Variants in SLC38A1 observed in about 807,000 individuals in gnomAD.
SLC38A1 encodes sodium-coupled neutral amino acid symporter 1.
Under a neutral mutation model 60.3 loss-of-function variants are expected in SLC38A1, and 18 were observed. The ratio of observed to expected loss-of-function variants is 0.30; its 90% confidence interval spans 0.21 to 0.44. The LOEUF (loss-of-function observed/expected upper bound fraction) is 0.44, where lower values mean the gene tolerates loss of function less well. SLC38A1 is among the 20% of genes least tolerant of loss of function. The pLI, the probability that SLC38A1 is intolerant of heterozygous loss-of-function variation, is 1.00. For synonymous variants in SLC38A1, 196 were observed against 212.1 expected (o/e 0.92, Z 0.66); for missense variants, 448 against 587.2 (o/e 0.76, Z 2.45).
chr12:46,206,197 T>A (rs1353877692), intron 8 of SLC38A1, 35 bp from the exon 9 acceptor site: 12 of 1,387,968 alleles, frequency 8.6e-6, no homozygotes, highest in Non-Finnish European at 1.2e-5. Context: ...TTATATTTTT[T>A]TAGAAAGTGA....
At chr12:46,257,721 A>G (rs1348933604) in intron 1 of SLC38A1, among the ~76,000 whole-genome samples, 1 of 152,144 alleles carries the variant, frequency 6.6e-6, no homozygotes, top group African/African-American at 2.4e-5. Flanking sequence ...TAGCCTTTGG[A>G]TCAGGGGTTT....
At position 46,188,150 on chromosome 12, in the gene SLC38A1, G is replaced by A. The variant is rs1309167025; in HGVS notation, c.*820C>T. 1 of 152,168 alleles carries A rather than the reference G, an allele frequency of 6.6e-6. No homozygotes were observed. The highest frequency in any genetic ancestry group is 1.9e-4 in the East Asian group (1 of 5,198). The allele number at this position is 152,168 out of a possible 1,614,324, so 9.4% of individuals were successfully genotyped here. ...CAATCTTTTTGCAGTAGGTTCCATAGGTTTTCCCCAGCGAAAGTTGACTCA... is the reference window on the plus strand; with the variant it reads ...CAATCTTTTTGCAGTAGGTTCCATAAGTTTTCCCCAGCGAAAGTTGACTCA... On this transcript the variant is annotated 3_prime_UTR_variant, in exon 17 of 17. Transcript: ENST00000398637.
In SLC38A1 at chr12:46,229,141, G is replaced by A. The variant is rs772490384; in HGVS notation, c.314+12C>T. The A allele has an allele frequency of 9.8e-6, 15 of 1,530,994 alleles. 1 individual carries two copies. The highest frequency in any genetic ancestry group is 1.7e-4 in the Middle Eastern group (1 of 5,964). 94.8% of individuals were successfully genotyped at this position (1,530,994 alleles called of 1,614,324 possible). A position where few individuals can be genotyped will look rare whatever the true frequency, so the allele number is the denominator to read the frequency against. On this transcript the variant is annotated intron_variant, in intron 5 of 16. Coordinates refer to ENST00000398637, the MANE Select transcript of SLC38A1 (RefSeq NM_030674.4). The stretch of plus-strand genomic sequence containing the variant: ...GTTTTAAAATGGAAAGTACCGGCAC[G>A]TCAATACTCACAGAAAAAGTAGGAT...
chr12:46,234,065 T>A (rs1941169846), intron 3 of SLC38A1, among the ~76,000 whole-genome samples: 1 of 152,334 alleles, frequency 6.6e-6, no homozygotes, highest in South Asian at 2.1e-4. Flanking sequence ...TCTCAGCCAA[T>A]CTTTCCCTAT....
chr12:46,235,310 G>T lies in SLC38A1; in HGVS notation c.122+4369C>A, dbSNP rs190862456. On this transcript the variant is annotated intron_variant, in intron 3 of 16. Coordinates refer to ENST00000398637, the MANE Select transcript of SLC38A1 (RefSeq NM_030674.4). Reference sequence around the variant, plus strand: ...TACTAGATTATACTGTTTCCTCTGAGAATTCATAACATAAAAGAGATGAGT... The same window carrying T: ...TACTAGATTATACTGTTTCCTCTGATAATTCATAACATAAAAGAGATGAGT... Among the ~76,000 whole-genome samples the T allele has an allele frequency of 2.6e-5, 4 of 152,264 alleles. No individual in the cohort carries two copies. In the East Asian group the frequency reaches 7.7e-4, roughly 29 times the overall value.
intron 1 of SLC38A1, among the ~76,000 whole-genome samples, chr12:46,248,644 T>A (rs934429843): frequency 6.6e-6 from 1 of 152,174 alleles, no homozygotes; most frequent in African/African-American, 2.4e-5. Flanking sequence ...TATCCAAGAC[T>A]TGAACTCATC....
chr12:46,198,620 C>G lies in SLC38A1; in HGVS notation c.1122+5G>C. 3 of 1,594,456 alleles carry G rather than the reference C, an allele frequency of 1.9e-6. No individual in the cohort carries two copies. The highest frequency in any genetic ancestry group is 2.6e-6 in the Non-Finnish European group (3 of 1,167,026). ...TTCTCATATTGCACAGAGGCCCTTA[C>G]TCACCGTGAAAAATAACACCGGCAC... On this transcript the variant is annotated splice_donor_5th_base_variant and intron_variant, in intron 14 of 16. Transcript: ENST00000398637.
Position 46,188,710 on chromosome 12 carries a change from T to A in SLC38A1, c.*260A>T. The A allele has an allele frequency of 3.0e-6, 1 of 329,342 alleles. No individual in the cohort carries two copies. Among genetic ancestry groups the A allele is most frequent in the Non-Finnish European group, 5.6e-6 (1 of 177,936 alleles). The allele number at this position is 329,342 out of a possible 1,614,324, so 20.4% of individuals were successfully genotyped here. ...TAGAGTTAGATGGGTAAAAAATGAT[T>A]GTGAAAAGTACTGGGAAATATGATT... is the stretch of plus-strand genomic sequence containing the variant. On this transcript the variant is annotated 3_prime_UTR_variant, in exon 17 of 17. Transcript: ENST00000398637.
At chr12:46,240,655 C>G (rs969069378) in intron 2 of SLC38A1, among the ~76,000 whole-genome samples, 4 of 152,258 alleles carry the variant, frequency 2.6e-5, no homozygotes, top group African/African-American at 9.6e-5. Context: ...AGCACGCAAC[C>G]CTGGTAGTCA....
Position 46,197,913 on chromosome 12 carries a change from C to T in SLC38A1, c.1264+6G>A, listed in dbSNP as rs770961147. 8.7e-6 allele frequency: 14 copies of T among 1,613,714 alleles called. No individual in the cohort carries two copies. Among genetic ancestry groups the T allele is most frequent in the Non-Finnish European group, 1.2e-5 (14 of 1,179,924 alleles). ...GAATGACAAGCACAAAGTCATGAAG[C>T]CATACCTACGACTCCAAAAATATCC... On this transcript the variant is annotated splice_donor_region_variant and intron_variant, in intron 15 of 16. Coordinates refer to ENST00000398637, the MANE Select transcript of SLC38A1 (RefSeq NM_030674.4).
chr12:46,266,333 T>C (rs1199939782), intron 1 of SLC38A1, among the ~76,000 whole-genome samples: 2 of 152,130 alleles, frequency 1.3e-5, no homozygotes, highest in Admixed American at 1.3e-4. Flanking sequence ...TGAAGCATCA[T>C]AAAAAATATA....
At chr12:46,211,445 C>G (rs774111747) in intron 5 of SLC38A1, among the ~76,000 whole-genome samples, 4 of 152,158 alleles carry the variant, frequency 2.6e-5, no homozygotes, top group African/African-American at 4.8e-5. Context: ...AGGCCCTAAC[C>G]CTGGAGAACT....
rs1939637836 is a variant in SLC38A1 at position 46,201,098 on chromosome 12, C to G, written c.1003G>C (p.Asp335His). 6.3e-7 allele frequency: 1 copy of G among 1,598,474 alleles called. No homozygotes were observed. Among genetic ancestry groups the G allele is most frequent in the Non-Finnish European group, 8.6e-7 (1 of 1,167,622 alleles). ...TAIFGYLTFY[D>H]NVQSDLLHKY... Reference sequence around the variant, plus strand: ...TTATGTACCAGTAGAAATTACTTACCATAGAATGTCAAGTAGCCAAAAATG... The same window carrying G: ...TTATGTACCAGTAGAAATTACTTACGATAGAATGTCAAGTAGCCAAAAATG... Residue 335 changes from aspartate (D) to histidine (H), a missense_variant and splice_region_variant, in exon 13 of 17, where the codon GAC (aspartate) becomes CAC (histidine). By Grantham distance (81) the Asp-to-His change is moderately conservative (BLOSUM62 -1). Around this residue, in one of 2 missense-constraint regions of SLC38A1, gnomAD observed 346 missense variants for 497.5 expected, o/e 0.70. Coordinates refer to ENST00000398637, the MANE Select transcript of SLC38A1 (RefSeq NM_030674.4).
intron 1 of SLC38A1, among the ~76,000 whole-genome samples, chr12:46,256,791 T>C (rs997395299): frequency 1.3e-5 from 2 of 152,190 alleles, no homozygotes; most frequent in African/African-American, 4.8e-5. Context: ...AGGAAAATTA[T>C]CTTTTTCCAT....
chr12:46,212,073 T>C lies in SLC38A1; in HGVS notation c.315-2946A>G, dbSNP rs540279875. On this transcript the variant is annotated intron_variant, in intron 5 of 16. Coordinates refer to ENST00000398637, the MANE Select transcript of SLC38A1 (RefSeq NM_030674.4). ...GAATATGTTGTCTAATTGACTCTAA[T>C]AGAACCTAGAAAGGGTTAGAAAAAT... 3.5e-4 allele frequency among the ~76,000 whole-genome samples: 53 copies of C among 152,322 alleles called. No homozygotes were observed. The South Asian group carries it at 6.6e-3, about 19-fold the overall frequency.
chr12:46,264,216 T>A (rs1417125696), intron 1 of SLC38A1, among the ~76,000 whole-genome samples: 2 of 152,234 alleles, frequency 1.3e-5, no homozygotes, highest in African/African-American at 2.4e-5. Flanking sequence ...ATAGTTTTTT[T>A]AAACTTGTTC....
At chr12:46,201,544 C>T (rs1243236619) in intron 12 of SLC38A1, among the ~76,000 whole-genome samples, 1 of 152,120 alleles carries the variant, frequency 6.6e-6, no homozygotes, top group African/African-American at 2.4e-5. Flanking sequence ...AAAATCAATG[C>T]TGTTCTCCTA....
At chr12:46,244,890 A>T (rs1001989103) in intron 1 of SLC38A1, among the ~76,000 whole-genome samples, 2 of 152,058 alleles carry the variant, frequency 1.3e-5, no homozygotes, top group Admixed American at 1.3e-4. Context: ...CTCCCTTAAA[A>T]TTTTTTTTAT....
chr12:46,225,413 C>G (rs550683476), intron 5 of SLC38A1, among the ~76,000 whole-genome samples: 2 of 152,220 alleles, frequency 1.3e-5, no homozygotes, highest in Admixed American at 1.3e-4. Flanking sequence ...AGGTGAGAGA[C>G]TAGGCACAAT....
Sources: gnomAD v4.1 joint callset for allele counts (sites outside exome capture counted in the v4.1 genomes callset) on GRCh38, gnomAD v4.1.1 for gene constraint, gnomAD v4.1.1 regional missense constraint, MANE v1.5 for transcripts, NCBI Gene and HGNC (gene_info 2026-07-23, HGNC 2026-07-21) for gene names.